MED28: variants seen among roughly 807,000 people sequenced by gnomAD.
The protein encoded by MED28 is mediator of RNA polymerase II transcription subunit 28.
MED28 carries 26 observed loss-of-function variants against 21.3 expected under a neutral mutation model. The ratio of observed to expected loss-of-function variants is 1.22; its 90% confidence interval spans 0.89 to 1.69. The LOEUF is 1.69. Among genes scored for constraint, MED28 ranks in the 40% most tolerant of loss-of-function variants. MED28 has a pLI of 0.00. For missense variants in MED28, 257 were observed against 215.4 expected, an observed-to-expected ratio of 1.19 and a Z score of -1.21; for synonymous variants, 110 against 87.6, an observed-to-expected ratio of 1.26 and a Z score of -1.43.
intron 1 of MED28, among the ~76,000 whole-genome samples, chr4:17,615,396 G>A (rs1714418636): frequency 6.6e-6 from 1 of 152,216 alleles, no homozygotes; most frequent in Non-Finnish European, 1.5e-5. Context: ...ATTGAGGGAA[G>A]ATAGAGAGGT....
At chr4:17,620,443 C>T (rs1180753135) in intron 2 of MED28, among the ~76,000 whole-genome samples, 1 of 150,898 alleles carries the variant, frequency 6.6e-6, no homozygotes, top group Non-Finnish European at 1.5e-5. Context: ...AGGCAGTTCT[C>T]TTGTCTCAGC....
chr4:17,622,722 A>G (rs1358048160), intron 3 of MED28, among the ~76,000 whole-genome samples: 1 of 152,224 alleles, frequency 6.6e-6, no homozygotes, highest in East Asian at 1.9e-4. Context: ...TCATAAAGAC[A>G]TATCTGAGAC....
chr4:17,616,276 C>G (rs943674511), intron 1 of MED28, among the ~76,000 whole-genome samples: 6 of 152,168 alleles, frequency 3.9e-5, no homozygotes, highest in Non-Finnish European at 8.8e-5. Context: ...ATTTAAAGGA[C>G]AGACCGTTTA....
chr4:17,632,723 A>G lies in MED28; in HGVS notation c.*8925A>G, dbSNP rs1714995581. ...TTCAGGGAAAGATAACTGCTTGTTT[A>G]CTCTTCAAAAACACCCAAATGGGAC... On this transcript the variant is annotated 3_prime_UTR_variant, in exon 4 of 4. Transcript: ENST00000237380. 1 of 811,602 alleles carries G rather than the reference A, an allele frequency of 1.2e-6. No individual in the cohort carries two copies. The highest frequency in any genetic ancestry group is 2.0e-6 in the Non-Finnish European group (1 of 507,994). The allele number at this position is 811,602 out of a possible 1,614,324, so 50.3% of individuals were successfully genotyped here. A position where few individuals can be genotyped will look rare whatever the true frequency, so the allele number is the denominator to read the frequency against.
At chr4:17,621,107 C>G (rs1191312939) in intron 2 of MED28, among the ~76,000 whole-genome samples, 1 of 150,894 alleles carries the variant, frequency 6.6e-6, no homozygotes, top group Non-Finnish European at 1.5e-5. Context: ...CTCTCACTCC[C>G]TGGTTCAAGC....
chr4:17,630,965 GTGGGCCACCTTC>G lies in MED28; in HGVS notation c.*7175_*7186del, dbSNP rs1205638960. 1.3e-5 allele frequency: 2 copies of G among 152,144 alleles called. No homozygotes were observed. The highest frequency in any genetic ancestry group is 2.9e-5 in the Non-Finnish European group (2 of 68,022). The allele number at this position is 152,144 out of a possible 1,614,324, so 9.4% of individuals were successfully genotyped here. ...CAATGCATAGAATTAACATTGGTTT[GTGGGCCACCTTC>G]TGGGCCAGCACCAAAGACTGAAAAA... On this transcript the variant is annotated 3_prime_UTR_variant, in exon 4 of 4. Transcript: ENST00000237380.
chr4:17,623,055 CT>C (rs1050734626), intron 3 of MED28, among the ~76,000 whole-genome samples: 1 of 152,132 alleles, frequency 6.6e-6, no homozygotes, highest in Non-Finnish European at 1.5e-5. Context: ...AATCTGATTT[CT>C]TTTTGGCTGC....
chr4:17,632,539 G>T lies in MED28; in HGVS notation c.*8741G>T. 1 of 1,550,472 alleles carries T rather than the reference G, an allele frequency of 6.4e-7. No homozygotes were observed. Among genetic ancestry groups the T allele is most frequent in the Non-Finnish European group, 8.7e-7 (1 of 1,146,072 alleles). ...TGTATCCCAAAGGTTAGCTTAGAAA[G>T]AAAAGTACTTGGTGAACCATTCCTG... On this transcript the variant is annotated 3_prime_UTR_variant, in exon 4 of 4. Coordinates refer to ENST00000237380, the MANE Select transcript of MED28 (RefSeq NM_025205.5).
At position 17,628,061 on chromosome 4, in the gene MED28, A is replaced by G. The variant is rs1248796700; in HGVS notation, c.*4263A>G. On this transcript the variant is annotated 3_prime_UTR_variant, in exon 4 of 4. Coordinates refer to ENST00000237380, the MANE Select transcript of MED28 (RefSeq NM_025205.5). ...TGTCCCTGACATTCAGAAGCTGACA[A>G]CACTGTTCGGTCATGCCATTCTCCT... The G allele has an allele frequency of 6.6e-6, 1 of 152,198 alleles. No homozygotes were observed. Among genetic ancestry groups the G allele is most frequent in the Non-Finnish European group, 1.5e-5 (1 of 68,056 alleles). 9.4% of individuals were successfully genotyped at this position (152,198 alleles called of 1,614,324 possible).
chr4:17,629,423 T>C lies in MED28; in HGVS notation c.*5625T>C, dbSNP rs1714859631. The stretch of plus-strand genomic sequence containing the variant: ...AACCAAGTAGCCTCAATCACAAATG[T>C]TGGGTTGGATATTACATCAGTGTTA... On this transcript the variant is annotated 3_prime_UTR_variant, in exon 4 of 4. Transcript: ENST00000237380. 1 of 152,192 alleles carries C rather than the reference T, an allele frequency of 6.6e-6. No individual in the cohort carries two copies. Among genetic ancestry groups the C allele is most frequent in the Admixed American group, 6.5e-5 (1 of 15,276 alleles). 9.4% of individuals were successfully genotyped at this position (152,192 alleles called of 1,614,324 possible).
intron 1 of MED28, among the ~76,000 whole-genome samples, chr4:17,616,348 C>A (rs1033927483): frequency 1.6e-4 from 24 of 152,322 alleles, no homozygotes; most frequent in African/African-American, 5.5e-4. Context: ...GGCTGGTGAA[C>A]TTTAGAGCAG....
chr4:17,632,798 G>A lies in MED28; in HGVS notation c.*9000G>A. 3 of 530,032 alleles carry A rather than the reference G, an allele frequency of 5.7e-6. No homozygotes were observed. In the South Asian group the frequency reaches 6.8e-5, roughly 12 times the overall value. 32.8% of individuals were successfully genotyped at this position (530,032 alleles called of 1,614,324 possible). On this transcript the variant is annotated 3_prime_UTR_variant, in exon 4 of 4. Transcript: ENST00000237380. ...AAATTGTAAAGGATGGGGCTGGGGA[G>A]GGAGTACCTAATCCTCATTTGGAAA...
Position 17,614,717 on chromosome 4 carries a change from G to A in MED28, c.63G>A (p.Pro21=). The A allele has an allele frequency of 6.2e-7, 1 of 1,614,192 alleles. No homozygotes were observed. Among genetic ancestry groups the A allele is most frequent in the Non-Finnish European group, 8.5e-7 (1 of 1,180,034 alleles). The change falls in exon 1 of 4, where the codon CCG becomes CCA. Residue 21 remains proline, a synonymous_variant. Transcript: ENST00000237380. ...CACCCGGTCCCCCTCAGGCCCCGCC[G>A]GGCCTTCCGGGCCAAGCTTCGCTTC... The part of the protein sequence containing the change: ...GQPPGPPQAP[P]GLPGQASLLQ...
rs772370621 is a variant in MED28, at chr4:17,619,951, G to A, written c.210G>A (p.Gln70=). The A allele has an allele frequency of 6.2e-7, 1 of 1,614,146 alleles. No homozygotes were observed. The highest frequency in any genetic ancestry group is 8.5e-7 in the Non-Finnish European group (1 of 1,179,996). The part of the protein sequence containing the change: ...VSQDYVNGTD[Q]EEIRTGVDQC... The stretch of plus-strand genomic sequence containing the variant: ...AGGACTATGTCAATGGCACCGATCA[G>A]GAAGAAATTCGAACCGGTAAGCATT... Residue 70 remains glutamine, a synonymous_variant, in exon 2 of 4, where the codon CAG becomes CAA. Coordinates refer to ENST00000237380, the MANE Select transcript of MED28 (RefSeq NM_025205.5).
intron 1 of MED28, among the ~76,000 whole-genome samples, chr4:17,619,346 TAGG>T (rs1055019684): frequency 5.3e-5 from 8 of 152,308 alleles, no homozygotes; most frequent in African/African-American, 1.7e-4. Context: ...TTCCAGGCAC[TAGG>T]AGGACAGTGG....
rs1341414140 is a variant in MED28 at position 17,625,664 on chromosome 4, C to T, written c.*1866C>T. The T allele has an allele frequency of 1.3e-5, 6 of 448,806 alleles. No individual in the cohort carries two copies. The highest frequency in any genetic ancestry group is 2.7e-5 in the Non-Finnish European group (6 of 225,210). The allele number at this position is 448,806 out of a possible 1,614,324, so 27.8% of individuals were successfully genotyped here. A position where few individuals can be genotyped will look rare whatever the true frequency, so the allele number is the denominator to read the frequency against. ...ATCTTCTCTGTTTGTAGACATCTTA[C>T]TGGGTGATGAATAATCCTCTAAGAA... On this transcript the variant is annotated 3_prime_UTR_variant, in exon 4 of 4. Coordinates refer to ENST00000237380, the MANE Select transcript of MED28 (RefSeq NM_025205.5).
intron 1 of MED28, among the ~76,000 whole-genome samples, chr4:17,617,775 G>T (rs921810964): frequency 3.9e-5 from 6 of 151,968 alleles, no homozygotes; most frequent in African/African-American, 1.4e-4. Context: ...GTCTCTGGTG[G>T]CACACGCCTT....
Position 17,619,881 on chromosome 4 carries a change from C to A in MED28, c.160-20C>A. The A allele has an allele frequency of 6.2e-7, 1 of 1,610,004 alleles. No homozygotes were observed. The highest frequency in any genetic ancestry group is 1.3e-5 in the African/African-American group (1 of 74,838). ...ATGTATAAATGATATTTTTTTCTTT[C>A]CTATGTTTTGATTACACAGGCTTGC... On this transcript the variant is annotated intron_variant, in intron 1 of 3. Coordinates refer to ENST00000237380, the MANE Select transcript of MED28 (RefSeq NM_025205.5).
rs1208482844 is a variant in MED28 at position 17,632,605 on chromosome 4, G to A, written c.*8807G>A. 5.2e-6 allele frequency: 8 copies of A among 1,550,764 alleles called. 1 individual carries two copies. The highest frequency in any genetic ancestry group is 2.0e-5 in the Admixed American group (1 of 50,854). On this transcript the variant is annotated 3_prime_UTR_variant, in exon 4 of 4. Transcript: ENST00000237380. ...TTTCTGCTGGACTTCTTTGGCTTGG[G>A]CCGTTTCACCATCTGGGGTCCTAAA... is the stretch of plus-strand genomic sequence containing the variant.
Sources: gnomAD v4.1 joint callset for allele counts (sites outside exome capture counted in the v4.1 genomes callset) on GRCh38, gnomAD v4.1.1 for gene constraint, MANE v1.5 for transcripts, NCBI Gene and HGNC (gene_info 2026-07-23, HGNC 2026-07-21) for gene names.